MYO18B: variants seen among roughly 807,000 people sequenced by gnomAD.
The protein encoded by MYO18B is myosin XVIIIB, also known as unconventional myosin-XVIIIb.
Under a neutral mutation model 273.0 loss-of-function variants are expected in MYO18B, and 204 were observed. The ratio of observed to expected loss-of-function variants is 0.75; its 90% CI spans 0.67 to 0.84. The LOEUF is 0.84. MYO18B is among the 40% of genes least tolerant of loss of function. The pLI is 0.00. For synonymous variants in MYO18B, 1,330 were observed against 1,305.7 expected, an observed-to-expected ratio of 1.02 and a Z score of -0.40; for missense variants, 3,212 against 3,287.6, an observed-to-expected ratio of 0.98 and a Z score of 0.56.
intron 20 of MYO18B, among the ~76,000 whole-genome samples, chr22:25,850,939 G>A (rs368291389): frequency 6.6e-6 from 1 of 152,136 alleles, no homozygotes; most frequent in Non-Finnish European, 1.5e-5. Flanking sequence ...TCTCTTCCCA[G>A]TTCCCCACAT....
At chr22:25,811,486 A>G (rs573217417) in intron 12 of MYO18B, among the ~76,000 whole-genome samples, 1 of 152,310 alleles carries the variant, frequency 6.6e-6, no homozygotes, top group East Asian at 1.9e-4. Flanking sequence ...CATTACTGTA[A>G]TCCAAGCAGC....
intron 40 of MYO18B, among the ~76,000 whole-genome samples, chr22:25,998,865 T>C (rs1933626846): frequency 6.6e-6 from 1 of 152,184 alleles, no homozygotes; most frequent in Non-Finnish European, 1.5e-5. Flanking sequence ...CTTAGTACCA[T>C]ATAACACCTG....
Position 25,785,469 on chromosome 22 carries a change from T to G in MYO18B, c.2354T>G (p.Phe785Cys). Reference protein sequence around the residue: ...NLHQMADSSSFGMGVWSKPED... With the variant: ...NLHQMADSSSCGMGVWSKPED... ...CACCAGATGGCAGATAGCAGCTCCT[T>G]TGGCATGGGCGTGTGGTCCAAGGTA... The change falls in exon 11 of 44, where the codon TTT becomes TGT. Residue 785 changes from phenylalanine (F) to cysteine (C), a missense_variant. Physicochemically the swap from Phe to Cys is radical, Grantham distance 205. Coordinates refer to ENST00000335473, the MANE Select transcript of MYO18B (RefSeq NM_032608.7). 1 of 1,612,354 alleles carries G rather than the reference T, an allele frequency of 6.2e-7. No homozygotes were observed. The highest frequency in any genetic ancestry group is 8.5e-7 in the Non-Finnish European group (1 of 1,179,298).
chr22:25,790,014 G>A (rs1056763366), intron 11 of MYO18B, among the ~76,000 whole-genome samples: 8 of 152,122 alleles, frequency 5.3e-5, no homozygotes, highest in African/African-American at 1.9e-4. Flanking sequence ...TTAGCCGGAC[G>A]TGGTGGCGGG....
chr22:25,847,133 A>G (rs1415955243), intron 19 of MYO18B, among the ~76,000 whole-genome samples: 2 of 151,902 alleles, frequency 1.3e-5, no homozygotes. Flanking sequence ...CTAGTGCGTT[A>G]TAGTGGAAAT....
At chr22:25,753,173 C>T (rs982799343) in intron 1 of MYO18B, among the ~76,000 whole-genome samples, 1 of 152,208 alleles carries the variant, frequency 6.6e-6, no homozygotes, top group Non-Finnish European at 1.5e-5. Flanking sequence ...GAAGCTCAGC[C>T]CGTGGCCCCA....
chr22:25,952,129 A>G (rs1205702927), intron 37 of MYO18B, among the ~76,000 whole-genome samples, 157 bp from the exon 38 acceptor site: 1 of 152,214 alleles, frequency 6.6e-6, no homozygotes, highest in African/African-American at 2.4e-5. Flanking sequence ...ACACCTGGCC[A>G]TTCTTGCTTG....
the MYO18B span, among the ~76,000 whole-genome samples, chr22:26,041,352 C>CAAAAAAAA: frequency 9.5e-4 from 59 of 62,170 alleles, no homozygotes; most frequent in African/African-American, 2.4e-3. Flanking sequence ...CTGTCTCTAC[C>CAAAAAAAA]AAAAAAAAAA....
chr22:25,909,097 C>T (rs2092105681), intron 32 of MYO18B, among the ~76,000 whole-genome samples: 1 of 152,146 alleles, frequency 6.6e-6, no homozygotes, highest in African/African-American at 2.4e-5. Flanking sequence ...TACAGTAAAT[C>T]CCCTATCACT....
intron 25 of MYO18B, among the ~76,000 whole-genome samples, chr22:25,887,172 C>T (rs924957898): frequency 1.5e-4 from 23 of 152,114 alleles, no homozygotes; most frequent in African/African-American, 5.3e-4. Flanking sequence ...CGTGTGTGCC[C>T]CTGTGGTTTG....
At chr22:25,897,491 CT>C (rs1329033444) in intron 28 of MYO18B, 3 of 152,128 alleles carry the variant, frequency 2.0e-5, no homozygotes, top group African/African-American at 7.2e-5. Context: ...CAGCCCAGTT[CT>C]TTAATAACAA....
chr22:25,921,337 G>A lies in MYO18B; in HGVS notation c.5445G>A (p.Gln1815=), dbSNP rs772703818. 4 of 1,584,226 alleles carry A rather than the reference G, an allele frequency of 2.5e-6. No individual in the cohort carries two copies. Among genetic ancestry groups the A allele is most frequent in the Non-Finnish European group, 3.4e-6 (4 of 1,165,114 alleles). The change falls in exon 34 of 44, where the codon CAG becomes CAA. Residue 1815 remains glutamine, a synonymous_variant. Transcript: ENST00000335473. ...CACATGCACTGTTGTCAGACGTGCA[G>A]CTCCTTCTGGGCACCATGGAGGATG... ...RRTHALLSDV[Q]LLLGTMEDGK... is the part of the protein sequence containing the mutation.
intron 1 of MYO18B, among the ~76,000 whole-genome samples, chr22:25,750,611 A>T (rs1000243678): frequency 2.6e-5 from 4 of 152,182 alleles, no homozygotes; most frequent in Non-Finnish European, 5.9e-5. Context: ...GGAACAGCTG[A>T]GGAATTACAT....
rs2091194203 is a variant in MYO18B at position 25,876,262 on chromosome 22, G to A, written c.4154G>A (p.Trp1385Ter). ...VFLAVKDWPW[W>*]QLLGSLQPLL... ...CTCGCAGTCAAGGACTGGCCATGGT[G>A]GCAGCTGCTTGGTTCCCTCCAGCCT... The change falls in exon 24 of 44, where the codon TGG becomes TAG. Residue 1385 changes from tryptophan (W) to a stop codon, truncating the protein, a stop_gained. Coordinates refer to ENST00000335473, the MANE Select transcript of MYO18B (RefSeq NM_032608.7). LOFTEE classifies it high-confidence loss of function. 1 of 1,613,426 alleles carries A rather than the reference G, an allele frequency of 6.2e-7. No homozygotes were observed. The highest frequency in any genetic ancestry group is 1.7e-5 in the Admixed American group (1 of 59,954).
chr22:25,762,972 C>G, intron 2 of MYO18B: 1 of 646,634 alleles, frequency 1.5e-6, no homozygotes. Context: ...GTTCATATCA[C>G]AAGGAGAGTG....
At chr22:25,957,232 C>A (rs747676814) in intron 39 of MYO18B, among the ~76,000 whole-genome samples, 31 of 152,218 alleles carry the variant, frequency 2.0e-4, no homozygotes, top group Non-Finnish European at 4.4e-4. Flanking sequence ...TAGTGATTTT[C>A]TTCCTCTCTG....
At chr22:25,804,980 G>A (rs997039619) in intron 12 of MYO18B, among the ~76,000 whole-genome samples, 1 of 152,178 alleles carries the variant, frequency 6.6e-6, no homozygotes, top group African/African-American at 2.4e-5. Context: ...TCAGCGAAGG[G>A]CCCATGGCTG....
Position 25,823,537 on chromosome 22 carries a change from G to T in MYO18B, c.2554G>T (p.Ala852Ser). 1 of 1,613,934 alleles carries T rather than the reference G, an allele frequency of 6.2e-7. No individual in the cohort carries two copies. The highest frequency in any genetic ancestry group is 8.5e-7 in the Non-Finnish European group (1 of 1,179,854). Residue 852 changes from alanine (A) to serine (S), a missense_variant, in exon 13 of 44, where the codon GCA becomes TCA. By Grantham distance (99) the Ala-to-Ser change is moderately conservative. Transcript: ENST00000335473. ...GRKQFMRFEW[A>S]NYAAEALGCE... ...GAAGCAGTTCATGAGGTTTGAGTGG[G>T]CAAACTACGCAGCTGAGGCCCTGGG...
chr22:25,956,462 C>T (rs34104326), intron 39 of MYO18B, among the ~76,000 whole-genome samples: 2,660 of 152,250 alleles, frequency 0.017, 37 homozygotes, highest in Non-Finnish European at 0.028. Context: ...GCAATCTGCC[C>T]ACTTCGGCCA....
Sources: allele counts gnomAD v4.1 joint callset (sites outside exome capture counted in the v4.1 genomes callset), GRCh38; gene constraint gnomAD v4.1.1; transcripts MANE v1.5; gene names NCBI Gene and HGNC (gene_info 2026-07-23, HGNC 2026-07-21).